Variants in KCNQ1 observed in about 807,000 individuals in gnomAD.
KCNQ1 encodes the protein potassium voltage-gated channel subfamily Q member 1.
In KCNQ1, 49 loss-of-function variants were observed where a neutral mutation model predicts 72.4. The ratio of observed to expected loss-of-function variants is 0.68; its 90% CI spans 0.54 to 0.86. The LOEUF is 0.86. Among genes scored for constraint, KCNQ1 ranks in the 40% least tolerant of loss-of-function variants. KCNQ1 has a pLI of 0.00. For missense variants in KCNQ1, 790 were observed against 945.1 expected, an observed-to-expected ratio of 0.84 and a Z score of 2.15; for synonymous variants, 450 against 412.6, an observed-to-expected ratio of 1.09 and a Z score of -1.10.
At chr11:2,751,648 C>T (rs111978267) in intron 11 of KCNQ1, among the ~76,000 whole-genome samples, 5 of 152,388 alleles carry the variant, frequency 3.3e-5, no homozygotes, top group African/African-American at 4.8e-5. Context: ...GTTCTGAGAG[C>T]GGTGGCTGTC....
intron 11 of KCNQ1, among the ~76,000 whole-genome samples, chr11:2,760,103 C>A (rs1846365926): frequency 6.6e-6 from 1 of 152,222 alleles, no homozygotes; most frequent in Non-Finnish European, 1.5e-5. Context: ...TGGCGCTGGC[C>A]CCTTGGGCAG....
At chr11:2,730,664 T>C (rs1161341468) in intron 11 of KCNQ1, among the ~76,000 whole-genome samples, 2 of 152,158 alleles carry the variant, frequency 1.3e-5, no homozygotes, top group Non-Finnish European at 2.9e-5. Flanking sequence ...GTGAGACCTG[T>C]ATGGCCACAG....
At chr11:2,590,192 C>T (rs148992499) in intron 10 of KCNQ1, among the ~76,000 whole-genome samples, 2 of 152,338 alleles carry the variant, frequency 1.3e-5, no homozygotes, top group African/African-American at 2.4e-5. Flanking sequence ...AGGACAGGGG[C>T]GTGCACCTTG....
intron 6 of KCNQ1, among the ~76,000 whole-genome samples, chr11:2,576,660 T>A (rs946077424): frequency 1.3e-5 from 2 of 152,194 alleles, no homozygotes; most frequent in Non-Finnish European, 2.9e-5. Context: ...CTCCAGAAAT[T>A]CCCGCCTCCC....
intron 2 of KCNQ1, among the ~76,000 whole-genome samples, chr11:2,528,801 CT>C (rs1478692012): frequency 6.6e-6 from 1 of 152,240 alleles, no homozygotes; most frequent in Admixed American, 6.5e-5. Context: ...CAGATCTGGG[CT>C]GGTTTCATGC....
chr11:2,839,492 G>T (rs1468395728), intron 15 of KCNQ1, among the ~76,000 whole-genome samples: 1 of 152,208 alleles, frequency 6.6e-6, no homozygotes, highest in Non-Finnish European at 1.5e-5. Flanking sequence ...AGGAGCACGG[G>T]GCCATGTGGC....
intron 10 of KCNQ1, among the ~76,000 whole-genome samples, chr11:2,597,850 C>T (rs1848753183): frequency 6.6e-6 from 1 of 152,148 alleles, no homozygotes; most frequent in Non-Finnish European, 1.5e-5. Context: ...TCAAGCATTT[C>T]AATTGTGTTG....
chr11:2,655,426 G>A, intron 10 of KCNQ1: 1 of 398,680 alleles, frequency 2.5e-6, no homozygotes, highest in Non-Finnish European at 4.4e-6. Context: ...CCCAGGGCCA[G>A]CCACTCTAGG....
At position 2,547,040 on chromosome 11, in the gene KCNQ1, G is replaced by T. The variant is rs1423250326; in HGVS notation, c.477+19022G>T. Among the ~76,000 whole-genome samples, 1 of 152,108 alleles carries T rather than the reference G, an allele frequency of 6.6e-6. No individual in the cohort carries two copies. The highest frequency in any genetic ancestry group is 1.5e-5 in the Non-Finnish European group (1 of 68,028). On this transcript the variant is annotated intron_variant, in intron 2 of 15. Coordinates refer to ENST00000155840, the MANE Select transcript of KCNQ1 (RefSeq NM_000218.3). The surrounding 1 kb of genome is among the most constrained non-coding windows in gnomAD (Gnocchi z 4.2). ...AGCATATAGTTGAGTCTTATTTTGT[G>T]AGTCAAACTATTTTTCTCCTGAAAA...
At chr11:2,527,584 C>T (rs1367121018) in intron 1 of KCNQ1, among the ~76,000 whole-genome samples, 1 of 152,238 alleles carries the variant, frequency 6.6e-6, no homozygotes, top group Admixed American at 6.5e-5. Flanking sequence ...GGGCAGCCAC[C>T]AGCCTGCTTT....
At position 2,757,977 on chromosome 11, in the gene KCNQ1, G is replaced by A. The variant is rs563750770; in HGVS notation, c.1515-10867G>A. ...CTGAAACCTTTAGAAAAAACATAGAGGAGATAGTATTTAGGATTTAGGAAG... is the reference window on the plus strand; with the variant it reads ...CTGAAACCTTTAGAAAAAACATAGAAGAGATAGTATTTAGGATTTAGGAAG... On this transcript the variant is annotated intron_variant, in intron 11 of 15. Transcript: ENST00000155840. 3.9e-5 allele frequency among the ~76,000 whole-genome samples: 6 copies of A among 152,290 alleles called. No homozygotes were observed. The East Asian group carries it at 1.2e-3, about 29-fold the overall frequency.
chr11:2,747,098 G>A (rs1436505188), intron 11 of KCNQ1, among the ~76,000 whole-genome samples: 7 of 152,206 alleles, frequency 4.6e-5, no homozygotes, highest in African/African-American at 9.6e-5. Context: ...GGGCACATCC[G>A]AGCCCAGCCT....
intron 1 of KCNQ1, among the ~76,000 whole-genome samples, chr11:2,499,907 C>G (rs1846982708): frequency 6.6e-6 from 1 of 152,164 alleles, no homozygotes; most frequent in Non-Finnish European, 1.5e-5. Flanking sequence ...CAAGGATAGA[C>G]CATATGTTAG....
Position 2,502,896 on chromosome 11 carries a change from C to T in KCNQ1, c.387-25032C>T, listed in dbSNP as rs571209632. Reference sequence around the variant, plus strand: ...AACAAATCCATATGTCTACGACAAACTCATTTTTGACAAAGGTGCCAAGAA... The same window carrying T: ...AACAAATCCATATGTCTACGACAAATTCATTTTTGACAAAGGTGCCAAGAA... On this transcript the variant is annotated intron_variant, in intron 1 of 15. Transcript: ENST00000155840. Among the ~76,000 whole-genome samples, 65 of 152,234 alleles carry T rather than the reference C, an allele frequency of 4.3e-4. 2 individuals carry two copies. In the South Asian group the frequency reaches 6.0e-3, roughly 14 times the overall value.
At position 2,515,447 on chromosome 11, in the gene KCNQ1, C is replaced by T. The variant is rs1161465167; in HGVS notation, c.387-12481C>T. On this transcript the variant is annotated intron_variant, in intron 1 of 15. Coordinates refer to ENST00000155840, the MANE Select transcript of KCNQ1 (RefSeq NM_000218.3). The surrounding 1 kb of genome is among the most constrained non-coding windows in gnomAD (Gnocchi z 4.7). ...CGGGGAGGCCTGTCCACCCCTCCCA[C>T]CCGTCCCCGAGGCCCCTGCTGCCCA... 6.7e-6 allele frequency among the ~76,000 whole-genome samples: 1 copy of T among 149,990 alleles called. No homozygotes were observed. Among genetic ancestry groups the T allele is most frequent in the East Asian group, 2.0e-4 (1 of 5,014 alleles).
intron 2 of KCNQ1, among the ~76,000 whole-genome samples, chr11:2,529,683 T>C (rs1847579171): frequency 6.6e-6 from 1 of 152,148 alleles, no homozygotes; most frequent in African/African-American, 2.4e-5. Flanking sequence ...CTCGTGACTG[T>C]GGTCGTAGAA....
At chr11:2,732,820 C>A (rs751652005) in intron 11 of KCNQ1, among the ~76,000 whole-genome samples, 1 of 152,168 alleles carries the variant, frequency 6.6e-6, no homozygotes, top group African/African-American at 2.4e-5. Flanking sequence ...CTCTGTCCCA[C>A]CCACTGGGGC....
At position 2,745,535 on chromosome 11, in the gene KCNQ1, T is replaced by G. The variant is rs538851364; in HGVS notation, c.1515-23309T>G. 6.6e-6 allele frequency among the ~76,000 whole-genome samples: 1 copy of G among 152,358 alleles called. No individual in the cohort carries two copies. The highest frequency in any genetic ancestry group is 1.9e-4 in the East Asian group (1 of 5,186). On this transcript the variant is annotated intron_variant, in intron 11 of 15. Coordinates refer to ENST00000155840, the MANE Select transcript of KCNQ1 (RefSeq NM_000218.3). The surrounding 1 kb of genome is among the most constrained non-coding windows in gnomAD (Gnocchi z 6.2). ...TGATCTTTTGATCCTGCTGATTGTC[T>G]AAGTGGATCGGTCCTATCAGGAGGA...
chr11:2,663,675 T>A lies in KCNQ1; in HGVS notation c.1514+1594T>A. The A allele has an allele frequency of 2.5e-6, 1 of 398,702 alleles. No individual in the cohort carries two copies. The highest frequency in any genetic ancestry group is 3.6e-5 in the East Asian group (1 of 28,074). The allele number at this position is 398,702 out of a possible 1,614,324, so 24.7% of individuals were successfully genotyped here. Reference sequence around the variant, plus strand: ...GGAGAGGGCCATCACCCACAGTCCATCTAGCTGGGCAGCCAGGCCTTACCA... The same window carrying A: ...GGAGAGGGCCATCACCCACAGTCCAACTAGCTGGGCAGCCAGGCCTTACCA... On this transcript the variant is annotated intron_variant, in intron 11 of 15. Transcript: ENST00000155840. The surrounding 1 kb of genome is among the most constrained non-coding windows in gnomAD (Gnocchi z 5.2).
Sources: allele counts gnomAD v4.1 joint callset (sites outside exome capture counted in the v4.1 genomes callset), GRCh38; gene constraint gnomAD v4.1.1; non-coding constraint Gnocchi (gnomAD v3.1); transcripts MANE v1.5; gene names NCBI Gene and HGNC (gene_info 2026-07-23, HGNC 2026-07-21).